The following LARGE1 variants were observed in gnomAD, a reference collection of about 807,000 sequenced individuals.
LARGE1 encodes the protein LARGE xylosyl- and glucuronyltransferase 1.
Under a neutral mutation model 87.6 loss-of-function variants are expected in LARGE1, and 43 were observed. That is an observed-to-expected ratio of 0.49 (90% CI 0.38 to 0.63). LARGE1 has a LOEUF of 0.63. Among genes scored for constraint, LARGE1 ranks in the 30% least tolerant of loss-of-function variants. The probability of loss-of-function intolerance (pLI) is 0.00; values close to 1 mark genes in which losing one functional copy is unlikely to be tolerated. For synonymous variants in LARGE1, 434 were observed against 394.6 expected, an observed-to-expected ratio of 1.10 and a Z score of -1.18; for missense variants, 802 against 1,000.2, an observed-to-expected ratio of 0.80 and a Z score of 2.67.
chr22:33,333,583 C>T (rs1235474924), intron 10 of LARGE1, among the ~76,000 whole-genome samples: 2 of 152,192 alleles, frequency 1.3e-5, no homozygotes, highest in East Asian at 3.9e-4. Context: ...TTCATCTGCT[C>T]TTCCCTTTAC....
intron 6 of LARGE1, among the ~76,000 whole-genome samples, chr22:33,553,368 T>A (rs968327959): frequency 6.8e-6 from 1 of 146,102 alleles, no homozygotes; most frequent in Admixed American, 6.8e-5. Flanking sequence ...AAAAAAAAAA[T>A]AGCCAGACGT....
chr22:33,251,843 C>G (rs1927021107), intron 11 of LARGE1, among the ~76,000 whole-genome samples: 2 of 152,306 alleles, frequency 1.3e-5, no homozygotes, highest in African/African-American at 4.8e-5. Flanking sequence ...TATGGTAAGA[C>G]TGACAATTAG....
At chr22:33,295,850 C>G (rs541738090) in intron 12 of LARGE1, among the ~76,000 whole-genome samples, 1 of 152,286 alleles carries the variant, frequency 6.6e-6, no homozygotes, top group East Asian at 1.9e-4. Flanking sequence ...GATGGGCTCA[C>G]AGGCATGAGC....
the LARGE1 span, among the ~76,000 whole-genome samples, chr22:33,101,612 T>G: frequency 6.6e-6 from 1 of 152,194 alleles, no homozygotes; most frequent in Non-Finnish European, 1.5e-5. Flanking sequence ...AATGAGATTC[T>G]AAGTATTGTG....
chr22:33,274,132 C>T lies in LARGE1; in HGVS notation c.*295G>A. On this transcript the variant is annotated 3_prime_UTR_variant, in exon 15 of 15. Coordinates refer to ENST00000397394, the MANE Select transcript of LARGE1 (RefSeq NM_133642.5). ...GCCCTGCCCTGATCTTGTGGCTTTG[C>T]AGTAAGATGATAACCCTTTTACTCC... The T allele has an allele frequency of 7.4e-6, 4 of 538,362 alleles. No homozygotes were observed. Among genetic ancestry groups the T allele is most frequent in the Non-Finnish European group, 6.7e-6 (2 of 298,786 alleles). The allele number at this position is 538,362 out of a possible 1,614,324, so 33.3% of individuals were successfully genotyped here.
intron 1 of LARGE1, among the ~76,000 whole-genome samples, chr22:33,817,918 AGGAGAGGGAGGAAAG>A (rs1454446877): frequency 2.3e-5 from 3 of 129,870 alleles, no homozygotes; most frequent in Non-Finnish European, 3.6e-5. Context: ...GGAAAGGGGG[AGGAGAGGGAGGAAAG>A]GGGGAGGAGA....
At chr22:33,708,498 CCCTAA>C (rs1217572890) in intron 2 of LARGE1, among the ~76,000 whole-genome samples, 3 of 152,156 alleles carry the variant, frequency 2.0e-5, no homozygotes, top group Non-Finnish European at 4.4e-5. Context: ...GCTAGGGCGG[CCCTAA>C]CAGAATACCA....
chr22:33,805,982 A>T (rs2086296553), intron 1 of LARGE1, among the ~76,000 whole-genome samples: 1 of 152,180 alleles, frequency 6.6e-6, no homozygotes, highest in Non-Finnish European at 1.5e-5. Context: ...AACAACCCAG[A>T]GGCATTTATT....
chr22:33,089,322 T>C, the LARGE1 span, among the ~76,000 whole-genome samples: 1 of 14,914 alleles, frequency 6.7e-5, no homozygotes, highest in African/African-American at 3.4e-4. Context: ...TCTTTCTTCT[T>C]TCTTCTTCTT....
chr22:33,723,876 A>G (rs1047252594), intron 2 of LARGE1: 1 of 152,298 alleles, frequency 6.6e-6, no homozygotes, highest in African/African-American at 2.4e-5. Context: ...GTTGCAGCCA[A>G]AACAGGAAAG....
intron 11 of LARGE1, among the ~76,000 whole-genome samples, chr22:33,265,150 C>A (rs903161736): frequency 6.6e-6 from 1 of 152,002 alleles, no homozygotes; most frequent in South Asian, 2.1e-4. Flanking sequence ...GGTGACCCTC[C>A]CATCTCAGCC....
chr22:33,124,378 A>AAGGAAGGG, the LARGE1 span, among the ~76,000 whole-genome samples: 5 of 150,628 alleles, frequency 3.3e-5, no homozygotes, highest in African/African-American at 1.2e-4. Flanking sequence ...GGAAGGAAGG[A>AAGGAAGGG]AGGAAGGGAG....
intron 5 of LARGE1, among the ~76,000 whole-genome samples, chr22:33,578,290 T>C (rs1320191752): frequency 1.3e-5 from 2 of 152,176 alleles, no homozygotes; most frequent in East Asian, 1.9e-4. Context: ...GGTAATTCCA[T>C]TGTGCCTTTA....
intron 11 of LARGE1, among the ~76,000 whole-genome samples, chr22:33,210,672 T>C (rs1290754374): frequency 1.3e-5 from 2 of 152,234 alleles, no homozygotes; most frequent in African/African-American, 4.8e-5. Flanking sequence ...CATGCAAGCT[T>C]CCACCCCTGT....
At chr22:33,887,578 A>C (rs2064889200) in intron 1 of LARGE1, among the ~76,000 whole-genome samples, 1 of 152,130 alleles carries the variant, frequency 6.6e-6, no homozygotes, top group Admixed American at 6.5e-5. Context: ...CTCTACTAAA[A>C]ATACAAAAAT....
intron 13 of LARGE1, among the ~76,000 whole-genome samples, chr22:33,281,469 C>T (rs1195897323): frequency 3.3e-5 from 5 of 152,032 alleles, no homozygotes; most frequent in Admixed American, 6.6e-5. Flanking sequence ...AGACCTGGTA[C>T]GAATCCAGGC....
chr22:33,541,041 G>T (rs1045609126), intron 6 of LARGE1, among the ~76,000 whole-genome samples: 1 of 94,330 alleles, frequency 1.1e-5, no homozygotes, highest in Admixed American at 1.2e-4. Flanking sequence ...ATGGTGGCTG[G>T]GGTGGTGGGT....
chr22:33,084,476 T>C, the LARGE1 span, among the ~76,000 whole-genome samples: 3 of 150,592 alleles, frequency 2.0e-5, no homozygotes, highest in South Asian at 4.2e-4. Context: ...CTGGACAACA[T>C]AGTGAGACCT....
chr22:33,184,240 A>T (rs889908141), intron 11 of LARGE1, among the ~76,000 whole-genome samples: 1 of 151,568 alleles, frequency 6.6e-6, no homozygotes, highest in Admixed American at 6.6e-5. Flanking sequence ...CAAATGCTTG[A>T]TATCTTGTAG....
Sources: gnomAD v4.1 joint callset for allele counts (sites outside exome capture counted in the v4.1 genomes callset) on GRCh38, gnomAD v4.1.1 for gene constraint, MANE v1.5 for transcripts, NCBI Gene and HGNC (gene_info 2026-07-23, HGNC 2026-07-21) for gene names.